CNTNAP2: variants seen among roughly 807,000 people sequenced by gnomAD.
CNTNAP2 encodes contactin associated protein 2, also known as contactin-associated protein-like 2.
A neutral mutation model predicts 155.2 loss-of-function variants in CNTNAP2; 98 were observed. The observed-to-expected ratio is 0.63, with a 90% CI of 0.54 to 0.75. The LOEUF is 0.75. Among genes scored for constraint, CNTNAP2 ranks in the 30% least tolerant of loss-of-function variants. CNTNAP2 has a pLI of 0.00. For synonymous variants in CNTNAP2, 651 were observed against 631.2 expected (o/e 1.03, Z -0.47); for missense variants, 1,727 against 1,688.1 (o/e 1.02, Z -0.40).
chr7:147,854,385 A>T (rs988222901), intron 13 of CNTNAP2, among the ~76,000 whole-genome samples: 1 of 152,160 alleles, frequency 6.6e-6, no homozygotes, highest in African/African-American at 2.4e-5. Context: ...TGCTGAACCA[A>T]CTGAAAAAGA....
chr7:148,131,778 T>C (rs1187907713), intron 16 of CNTNAP2, among the ~76,000 whole-genome samples: 1 of 152,156 alleles, frequency 6.6e-6, no homozygotes, highest in African/African-American at 2.4e-5. Flanking sequence ...TCAGTCAGTG[T>C]GTGTTGCTAA....
At chr7:146,589,399 C>T (rs1169606922) in intron 1 of CNTNAP2, among the ~76,000 whole-genome samples, 1 of 152,164 alleles carries the variant, frequency 6.6e-6, no homozygotes, top group Non-Finnish European at 1.5e-5. Flanking sequence ...CACGTGTACA[C>T]CATGGAATAC....
At chr7:148,146,489 C>T (rs1447353049) in intron 16 of CNTNAP2, among the ~76,000 whole-genome samples, 1 of 152,290 alleles carries the variant, frequency 6.6e-6, no homozygotes, top group Non-Finnish European at 1.5e-5. Flanking sequence ...ATAAAGCAAC[C>T]ACCCAATCCA....
chr7:147,545,307 T>C (rs1333694169), intron 11 of CNTNAP2, among the ~76,000 whole-genome samples: 2 of 152,114 alleles, frequency 1.3e-5, no homozygotes, highest in East Asian at 3.9e-4. Context: ...TTTCAGCATT[T>C]TGGTAGTAGC....
intron 8 of CNTNAP2, among the ~76,000 whole-genome samples, chr7:147,205,713 A>T (rs1355471889): frequency 6.6e-6 from 1 of 151,962 alleles, no homozygotes. Flanking sequence ...ACTCAGGGTG[A>T]TAGTAAGATG....
chr7:147,364,442 A>G (rs1020575346), intron 9 of CNTNAP2, among the ~76,000 whole-genome samples: 3 of 152,190 alleles, frequency 2.0e-5, no homozygotes, highest in South Asian at 2.1e-4. Flanking sequence ...AGTTTCTTCT[A>G]TGTCATGTGA....
chr7:146,809,713 G>C (rs1585100655), intron 2 of CNTNAP2, among the ~76,000 whole-genome samples: 1 of 152,088 alleles, frequency 6.6e-6, no homozygotes, highest in Non-Finnish European at 1.5e-5. Context: ...TCACTTTTTA[G>C]AAATTGTTTT....
At chr7:146,191,851 T>C (rs1349295485) in intron 1 of CNTNAP2, among the ~76,000 whole-genome samples, 1 of 152,172 alleles carries the variant, frequency 6.6e-6, no homozygotes, top group Non-Finnish European at 1.5e-5. Context: ...GGTGCCCAGA[T>C]TTCATATTGT....
intron 3 of CNTNAP2, among the ~76,000 whole-genome samples, chr7:146,880,884 T>C (rs1795536600): frequency 6.6e-6 from 1 of 152,182 alleles, no homozygotes; most frequent in South Asian, 2.1e-4. Flanking sequence ...ACTTACTAAC[T>C]TCAGAAATGT....
At chr7:148,184,508 G>C (rs1294837596) in intron 18 of CNTNAP2, among the ~76,000 whole-genome samples, 1 of 152,132 alleles carries the variant, frequency 6.6e-6, no homozygotes. Flanking sequence ...CTAGGGAGTT[G>C]GGTCAAGTAT....
intron 8 of CNTNAP2, among the ~76,000 whole-genome samples, chr7:147,199,467 C>T (rs1464917121): frequency 6.6e-6 from 1 of 152,148 alleles, no homozygotes; most frequent in Non-Finnish European, 1.5e-5. Context: ...AAACAGTATA[C>T]TACGTTTCAA....
intron 1 of CNTNAP2, among the ~76,000 whole-genome samples, chr7:146,124,714 A>G (rs1007919213): frequency 1.3e-5 from 2 of 152,200 alleles, no homozygotes; most frequent in Non-Finnish European, 2.9e-5. Context: ...TTATGAAACT[A>G]TTATACTAGC....
At chr7:147,607,024 A>G (rs914293803) in intron 12 of CNTNAP2, among the ~76,000 whole-genome samples, 5 of 152,100 alleles carry the variant, frequency 3.3e-5, no homozygotes, top group Non-Finnish European at 7.4e-5. Context: ...TGAATATGTT[A>G]ACTGTGCTAT....
intron 8 of CNTNAP2, among the ~76,000 whole-genome samples, chr7:147,180,130 C>T (rs761053077): frequency 3.3e-5 from 5 of 152,116 alleles, no homozygotes; most frequent in Admixed American, 1.3e-4. Flanking sequence ...GGAAGGTGCA[C>T]ACAATCTCAC....
intron 16 of CNTNAP2, chr7:148,133,907 C>T (rs945600512): frequency 4.6e-5 from 7 of 152,070 alleles, no homozygotes; most frequent in African/African-American, 1.7e-4. Context: ...TGAAGGATGA[C>T]AGGCAAAAAT....
At position 146,299,148 on chromosome 7, in the gene CNTNAP2, G is replaced by A. The variant is rs760355165; in HGVS notation, c.97+182175G>A. On this transcript the variant is annotated intron_variant, in intron 1 of 23. Transcript: ENST00000361727. ...TAGCCAGGTGTGGTGGCATGTGCCT[G>A]TAATCCCAGCTACTTGGGAGGGTGA... Among the ~76,000 whole-genome samples, 79 of 152,090 alleles carry A rather than the reference G, an allele frequency of 5.2e-4. 1 individual carries two copies. The highest frequency in any genetic ancestry group is 1.1e-3 in the Non-Finnish European group (77 of 68,016).
chr7:146,980,279 C>T (rs1476395202), intron 3 of CNTNAP2, among the ~76,000 whole-genome samples: 1 of 152,126 alleles, frequency 6.6e-6, no homozygotes, highest in Non-Finnish European at 1.5e-5. Flanking sequence ...AAGTGATCAA[C>T]ACTATTAATG....
At chr7:148,018,410 G>C (rs894173105) in intron 15 of CNTNAP2, among the ~76,000 whole-genome samples, 3 of 152,142 alleles carry the variant, frequency 2.0e-5, no homozygotes, top group African/African-American at 4.8e-5. Flanking sequence ...CATTTCTAAA[G>C]GATGGCGGTA....
In CNTNAP2 at chr7:147,635,290, AT is replaced by A. The variant is rs1422287785; in HGVS notation, c.1898-3811del. Among the ~76,000 whole-genome samples, 3 of 151,218 alleles carry A rather than the reference AT, an allele frequency of 2.0e-5. No homozygotes were observed. In the East Asian group the frequency reaches 5.8e-4, roughly 29 times the overall value. Reference sequence around the variant, plus strand: ...TCCAAAACTTTTTTTTTTTAATCGAATTTTTAAAACTAACTTTGAGACAGGG... The same window carrying A: ...TCCAAAACTTTTTTTTTTTAATCGAATTTTAAAACTAACTTTGAGACAGGG... On this transcript the variant is annotated intron_variant, in intron 12 of 23. Transcript: ENST00000361727.
Sources: allele counts gnomAD v4.1 joint callset (sites outside exome capture counted in the v4.1 genomes callset), GRCh38; gene constraint gnomAD v4.1.1; transcripts MANE v1.5; gene names NCBI Gene and HGNC (gene_info 2026-07-23, HGNC 2026-07-21).